Variants in ZNF626 observed in about 807,000 individuals in gnomAD.
The protein encoded by ZNF626 is zinc finger protein 626.
ZNF626 carries 4 observed loss-of-function variants against 11.7 expected under a neutral mutation model. That is an observed-to-expected ratio of 0.34 (90% CI 0.17 to 0.78). The LOEUF (loss-of-function observed/expected upper bound fraction) is 0.78, where lower values mean the gene tolerates loss of function less well. Ranked by LOEUF, ZNF626 falls within the 30% of genes least tolerant of loss-of-function variation. The pLI, the probability that ZNF626 is intolerant of heterozygous loss-of-function variation, is 0.57. For missense variants in ZNF626, 588 were observed against 587.1 expected (o/e 1.00, Z -0.01); for synonymous variants, 179 against 198.6 (o/e 0.90, Z 0.83).
rs1555769165 is a variant in ZNF626, at chr19:20,624,351, G to A, written c.1526C>T (p.Thr509Ile). The A allele has an allele frequency of 4.2e-6, 6 of 1,443,732 alleles. No homozygotes were observed. Among genetic ancestry groups the A allele is most frequent in the Non-Finnish European group, 5.6e-6 (6 of 1,080,596 alleles). 89.4% of individuals were successfully genotyped at this position (1,443,732 alleles called of 1,614,324 possible). A position where few individuals can be genotyped will look rare whatever the true frequency, so the allele number is the denominator to read the frequency against. ...AGGCTTTGCCACATTCTTCACATTT[G>A]TAGAATTTCTCTCCAGTATGATTCT... ...HERIILERNS[T>I]NVKNVAKPSS... The change falls in exon 4 of 4, where the codon ACA (threonine) becomes ATA (isoleucine). Residue 509 changes from threonine to isoleucine, a missense_variant. Thr to Ile is a moderately conservative substitution (Grantham distance 89). Transcript: ENST00000601440.
intron 1 of ZNF626, among the ~76,000 whole-genome samples, chr19:20,651,018 C>T (rs782115183): frequency 6.6e-5 from 10 of 151,870 alleles, no homozygotes; most frequent in Non-Finnish European, 1.3e-4. Context: ...GAAACCCCGT[C>T]TCTACTAAAA....
At chr19:20,655,802 G>A (rs1599488303) in intron 1 of ZNF626, among the ~76,000 whole-genome samples, 1 of 152,044 alleles carries the variant, frequency 6.6e-6, no homozygotes, top group South Asian at 2.1e-4. Context: ...GGGCATGGTG[G>A]CGGGTGCCTG....
intron 3 of ZNF626, among the ~76,000 whole-genome samples, chr19:20,633,698 C>G (rs925295403): frequency 4.6e-5 from 7 of 152,200 alleles, no homozygotes; most frequent in Admixed American, 3.9e-4. Context: ...TCACCCTTTT[C>G]TTTGACTAGG....
rs1331631380 is a variant in ZNF626, at chr19:20,624,297, A to G, written c.1580T>C (p.Ile527Thr). The G allele has an allele frequency of 6.2e-7, 1 of 1,613,880 alleles. No homozygotes were observed. The highest frequency in any genetic ancestry group is 1.7e-5 in the Admixed American group (1 of 59,980). The change falls in exon 4 of 4, where the codon ATA becomes ACA. Residue 527 changes from isoleucine (I) to threonine (T), a missense_variant. Ile to Thr is a moderately conservative substitution (Grantham distance 89). Transcript: ENST00000601440. Reference protein sequence around the residue: ...PSSGPHTLLHIR With the variant: ...PSSGPHTLLHTR ...ATTTCTCTCCAGTATGAATTATCTT[A>G]TGTGTAGTAAGGTGTGAGGACCGCT...
At chr19:20,625,881 CA>C (rs1969825487) in intron 3 of ZNF626, among the ~76,000 whole-genome samples, 1 of 152,066 alleles carries the variant, frequency 6.6e-6, no homozygotes, top group South Asian at 2.1e-4. Flanking sequence ...GAGCACAATG[CA>C]AACGGCCAAA....
intron 1 of ZNF626, among the ~76,000 whole-genome samples, chr19:20,652,741 T>C (rs565196158): frequency 6.6e-6 from 1 of 152,306 alleles, no homozygotes; most frequent in South Asian, 2.1e-4. Flanking sequence ...GTTTTTTAAT[T>C]CCCAAATCTC....
chr19:20,623,383 G>A lies in ZNF626; in HGVS notation c.*907C>T, dbSNP rs1486565721. 4.6e-5 allele frequency: 7 copies of A among 152,080 alleles called. No homozygotes were observed. The highest frequency in any genetic ancestry group is 8.8e-5 in the Non-Finnish European group (6 of 68,030). The allele number at this position is 152,080 out of a possible 1,614,324, so 9.4% of individuals were successfully genotyped here. Reference sequence around the variant, plus strand: ...GTTTCACATTTTATATATTTCTAGGGTTTCACACTAGTATAAATTTTTTAT... The same window carrying A: ...GTTTCACATTTTATATATTTCTAGGATTTCACACTAGTATAAATTTTTTAT... On this transcript the variant is annotated 3_prime_UTR_variant, in exon 4 of 4. Transcript: ENST00000601440.
intron 1 of ZNF626, among the ~76,000 whole-genome samples, chr19:20,661,000 C>A (rs1408015156): frequency 1.3e-5 from 2 of 152,218 alleles, no homozygotes; most frequent in African/African-American, 4.8e-5. Context: ...GCCTCGGCCT[C>A]CCAAAACGTT....
chr19:20,647,782 G>A (rs536348613), intron 1 of ZNF626, among the ~76,000 whole-genome samples: 4 of 151,964 alleles, frequency 2.6e-5, no homozygotes, highest in South Asian at 4.2e-4. Context: ...CACTGCGCCC[G>A]GCCTAGGACA....
intron 1 of ZNF626, among the ~76,000 whole-genome samples, chr19:20,650,046 C>G (rs374319755): frequency 6.6e-6 from 1 of 152,136 alleles, no homozygotes; most frequent in Admixed American, 6.5e-5. Flanking sequence ...CATGTACACA[C>G]GTACTAATGC....
intron 1 of ZNF626, among the ~76,000 whole-genome samples, chr19:20,649,463 C>T (rs559834864): frequency 6.6e-6 from 1 of 152,284 alleles, no homozygotes; most frequent in East Asian, 1.9e-4. Flanking sequence ...AGAACAGGCC[C>T]TGTGACCACC....
Position 20,625,554 on chromosome 19 carries a change from T to C in ZNF626, c.323A>G (p.His108Arg). 1 of 1,613,072 alleles carries C rather than the reference T, an allele frequency of 6.2e-7. No individual in the cohort carries two copies. The highest frequency in any genetic ancestry group is 8.5e-7 in the Non-Finnish European group (1 of 1,179,606). ...VVLRRYEKCE[H>R]DNLQLKKGCI... ...TCCTTTTTTTAACTGTAAATTGTCA[T>C]GTTCACATTTTTCATATCTTCTCAG... Residue 108 changes from histidine to arginine, a missense_variant, in exon 4 of 4, where the codon CAT (histidine) becomes CGT (arginine). This residue lies in a region of ZNF626 where 524 missense variants were observed against 470.1 expected (regional missense o/e 1.11). Coordinates refer to ENST00000601440, the MANE Select transcript of ZNF626 (RefSeq NM_001076675.3).
intron 3 of ZNF626, chr19:20,645,055 A>G: frequency 5.3e-6 from 1 of 189,596 alleles, no homozygotes; most frequent in Non-Finnish European, 1.0e-5. Context: ...TAAACTTCCT[A>G]TTAAAATTGC....
intron 3 of ZNF626, among the ~76,000 whole-genome samples, chr19:20,641,950 G>C (rs566908836): frequency 1.3e-5 from 2 of 150,710 alleles, no homozygotes; most frequent in Non-Finnish European, 3.0e-5. Flanking sequence ...AAAAAATCCA[G>C]AATTATTAAT....
At position 20,643,296 on chromosome 19, in the gene ZNF626, GA is replaced by G. The variant is rs1355404413; in HGVS notation, c.226+2387del. ...GAATAGCCTTACATTGTTAAACACA[GA>G]AAAAAATATATATATATTTTGGAGA... is the stretch of plus-strand genomic sequence containing the variant. On this transcript the variant is annotated intron_variant, in intron 3 of 3. Transcript: ENST00000601440. 1.5e-4 allele frequency among the ~76,000 whole-genome samples: 23 copies of G among 151,580 alleles called. 1 individual carries two copies. The highest frequency in any genetic ancestry group is 9.9e-4 in the Admixed American group (15 of 15,224).
chr19:20,626,831 A>T (rs1969840180), intron 3 of ZNF626, among the ~76,000 whole-genome samples: 1 of 152,146 alleles, frequency 6.6e-6, no homozygotes, highest in Admixed American at 6.5e-5. Flanking sequence ...CCTGGCCAAC[A>T]TGGTAAAAAC....
chr19:20,624,474 A>G lies in ZNF626; in HGVS notation c.1403T>C (p.Leu468Pro), dbSNP rs1969797134. 2 of 415,658 alleles carry G rather than the reference A, an allele frequency of 4.8e-6. 1 individual carries two copies. Among genetic ancestry groups the G allele is most frequent in the African/African-American group, 4.5e-5 (2 of 44,402 alleles). The allele number at this position is 415,658 out of a possible 1,614,324, so 25.7% of individuals were successfully genotyped here. A position where few individuals can be genotyped will look rare whatever the true frequency, so the allele number is the denominator to read the frequency against. Residue 468 changes from leucine (L) to proline (P), a missense_variant, in exon 4 of 4, where the codon CTT becomes CCT. Around this residue, in one of 4 missense-constraint regions of ZNF626, gnomAD observed 6 missense variants for 50.7 expected, o/e 0.12. Transcript: ENST00000601440. ...CGKAFKCSSN[L>P]TTHKKIHTGE... ...AGTATGAATTTTCTTATGTGTAGTA[A>G]GGTTAGAGGAGCACTTAAAAGCTTT... is the stretch of plus-strand genomic sequence containing the variant.
At chr19:20,651,915 C>T (rs1027589291) in intron 1 of ZNF626, among the ~76,000 whole-genome samples, 2 of 152,152 alleles carry the variant, frequency 1.3e-5, no homozygotes, top group Admixed American at 1.3e-4. Context: ...TGTTCTCTCA[C>T]TCTTAAGATG....
chr19:20,657,269 T>G (rs1300414086), intron 1 of ZNF626, among the ~76,000 whole-genome samples: 2 of 152,102 alleles, frequency 1.3e-5, no homozygotes, highest in Non-Finnish European at 2.9e-5. Context: ...TCCCAGCTAC[T>G]TGGGAGGATG....
Sources: allele counts gnomAD v4.1 joint callset (sites outside exome capture counted in the v4.1 genomes callset), GRCh38; gene constraint gnomAD v4.1.1; regional missense constraint gnomAD v4.1.1; transcripts MANE v1.5; gene names NCBI Gene and HGNC (gene_info 2026-07-23, HGNC 2026-07-21).